Variants in COMMD10 observed in about 807,000 individuals in gnomAD.
COMMD10 encodes the protein COMM domain-containing protein 10.
Under a neutral mutation model 28.9 loss-of-function variants are expected in COMMD10, and 33 were observed. The observed-to-expected ratio is 1.14, with a 90% CI of 0.87 to 1.53. COMMD10 has a LOEUF of 1.53. COMMD10 is among the 40% of genes most tolerant of loss of function. COMMD10 has a pLI of 0.00. For missense variants in COMMD10, 310 were observed against 233.4 expected (o/e 1.33, Z -2.14); for synonymous variants, 110 against 81.7 (o/e 1.35, Z -1.87).
At chr5:116,234,698 C>T (rs753066828) in intron 5 of COMMD10, among the ~76,000 whole-genome samples, 2 of 152,094 alleles carry the variant, frequency 1.3e-5, no homozygotes, top group Non-Finnish European at 2.9e-5. Flanking sequence ...ACACACAGAT[C>T]GAGTTAGGAA....
chr5:116,228,657 T>A (rs1006640504), intron 5 of COMMD10, among the ~76,000 whole-genome samples: 1 of 151,976 alleles, frequency 6.6e-6, no homozygotes, highest in African/African-American at 2.4e-5. Flanking sequence ...TTGCATAAAT[T>A]GTGTTTTTTC....
intron 5 of COMMD10, among the ~76,000 whole-genome samples, chr5:116,216,673 A>G (rs1749110870): frequency 6.6e-6 from 1 of 152,106 alleles, no homozygotes; most frequent in African/African-American, 2.4e-5. Context: ...AGCTGGGACT[A>G]CAGGTGTGCG....
chr5:116,196,564 T>G (rs1317866813), intron 5 of COMMD10, among the ~76,000 whole-genome samples: 7 of 151,846 alleles, frequency 4.6e-5, no homozygotes, highest in Non-Finnish European at 4.4e-5. Context: ...CTTTGGTTAA[T>G]GTAGATTATT....
intron 4 of COMMD10, among the ~76,000 whole-genome samples, chr5:116,099,846 TA>T (rs1750599673): frequency 6.6e-6 from 1 of 152,154 alleles, no homozygotes; most frequent in Non-Finnish European, 1.5e-5. Flanking sequence ...TTTTGTATGT[TA>T]ACCTCTTATA....
intron 5 of COMMD10, among the ~76,000 whole-genome samples, chr5:116,150,894 GTTGAATAGGAGTGGTGAGAGAGGGCA>G (rs1752502235): frequency 6.6e-6 from 1 of 151,016 alleles, no homozygotes. Flanking sequence ...CCAACACTAT[GTTGAATAGGAGTGGTGAGAGAGGGCA>G]TCCCTGTCTT....
At chr5:116,287,685 T>C (rs1751255083) in intron 5 of COMMD10, among the ~76,000 whole-genome samples, 1 of 151,702 alleles carries the variant, frequency 6.6e-6, no homozygotes, top group Non-Finnish European at 1.5e-5. Flanking sequence ...TTTTTTTTTC[T>C]AGTGGTATGC....
chr5:116,237,596 G>C (rs1022562419), intron 5 of COMMD10, among the ~76,000 whole-genome samples: 1 of 152,064 alleles, frequency 6.6e-6, no homozygotes, highest in Non-Finnish European at 1.5e-5. Flanking sequence ...GATCACTGGA[G>C]CGCAAAAGTT....
rs541908521 is a variant in COMMD10 at position 116,279,774 on chromosome 5, C to G, written c.511-11743C>G. ...GTTGGTCTAATTGGTGTAACAGATA[C>G]AAAGAGATTTGATTACATTTTTTCA... On this transcript the variant is annotated intron_variant, in intron 5 of 6. Transcript: ENST00000274458. Among the ~76,000 whole-genome samples the G allele has an allele frequency of 1.3e-4, 19 of 151,838 alleles. No homozygotes were observed. In the South Asian group the frequency reaches 3.5e-3, roughly 28 times the overall value.
chr5:116,141,997 C>A (rs1004468303), intron 5 of COMMD10, among the ~76,000 whole-genome samples: 3 of 151,546 alleles, frequency 2.0e-5, no homozygotes, highest in Non-Finnish European at 4.4e-5. Flanking sequence ...ATTCATTTTT[C>A]TGTTACCAAA....
intron 5 of COMMD10, among the ~76,000 whole-genome samples, chr5:116,193,475 G>A (rs1748427018): frequency 6.6e-6 from 1 of 152,066 alleles, no homozygotes; most frequent in African/African-American, 2.4e-5. Flanking sequence ...GTAAAGGGGT[G>A]GAAAAAGGCA....
intron 1 of COMMD10, among the ~76,000 whole-genome samples, chr5:116,087,255 T>G (rs576058064): frequency 2.5e-3 from 387 of 152,330 alleles, no homozygotes; most frequent in Non-Finnish European, 4.4e-3. Flanking sequence ...GTAGTTTGGT[T>G]TGCCCAAAAG....
intron 5 of COMMD10, among the ~76,000 whole-genome samples, chr5:116,185,983 A>T (rs1429505026): frequency 6.6e-6 from 1 of 152,124 alleles, no homozygotes; most frequent in Non-Finnish European, 1.5e-5. Context: ...ATTTTTGGAG[A>T]AAATAACACA....
intron 5 of COMMD10, among the ~76,000 whole-genome samples, chr5:116,213,837 A>G (rs958466434): frequency 6.6e-6 from 1 of 152,122 alleles, no homozygotes; most frequent in African/African-American, 2.4e-5. Context: ...TAAAATGTGA[A>G]TGATTTATGA....
chr5:116,254,357 CCTTG>C (rs1750215888), intron 5 of COMMD10, among the ~76,000 whole-genome samples: 1 of 151,598 alleles, frequency 6.6e-6, no homozygotes, highest in Non-Finnish European at 1.5e-5. Context: ...ATGTGTTTGC[CCTTG>C]CTTTTCTAGT....
intron 5 of COMMD10, among the ~76,000 whole-genome samples, chr5:116,211,415 A>G (rs921086852): frequency 1.3e-5 from 2 of 152,118 alleles, no homozygotes; most frequent in African/African-American, 4.8e-5. Flanking sequence ...AGTGGTAAGT[A>G]TTTGTATATT....
intron 4 of COMMD10, among the ~76,000 whole-genome samples, chr5:116,132,026 G>C (rs1351157483): frequency 6.6e-6 from 1 of 152,010 alleles, no homozygotes; most frequent in African/African-American, 2.4e-5. Flanking sequence ...GTAGTAAGGA[G>C]CTATTGGAGA....
chr5:116,225,914 A>G (rs746036761), intron 5 of COMMD10, among the ~76,000 whole-genome samples: 1 of 151,902 alleles, frequency 6.6e-6, no homozygotes, highest in Non-Finnish European at 1.5e-5. Flanking sequence ...TGTGCTCTGA[A>G]TTTGAGTCTC....
intron 5 of COMMD10, among the ~76,000 whole-genome samples, chr5:116,138,115 T>C (rs1006926761): frequency 1.3e-5 from 2 of 151,940 alleles, no homozygotes; most frequent in Non-Finnish European, 2.9e-5. Context: ...TATAGAACAA[T>C]AGAGTTCTCT....
At chr5:116,232,051 T>C (rs995701760) in intron 5 of COMMD10, among the ~76,000 whole-genome samples, 3 of 152,132 alleles carry the variant, frequency 2.0e-5, no homozygotes, top group Non-Finnish European at 4.4e-5. Context: ...CTGAACTGAA[T>C]TTTGTATGGA....
Sources: allele counts gnomAD v4.1 joint callset (sites outside exome capture counted in the v4.1 genomes callset), GRCh38; gene constraint gnomAD v4.1.1; transcripts MANE v1.5; gene names NCBI Gene and HGNC (gene_info 2026-07-23, HGNC 2026-07-21).